The following TMEM120B variants were observed in gnomAD, a reference collection of about 807,000 sequenced individuals.
TMEM120B encodes transmembrane protein 120B.
In TMEM120B, 31 loss-of-function variants were observed where a neutral mutation model predicts 55.5. The ratio of observed to expected loss-of-function variants is 0.56; its 90% CI spans 0.42 to 0.75. The LOEUF is 0.75. TMEM120B is among the 30% of genes least tolerant of loss of function. TMEM120B has a pLI of 0.00. For missense variants in TMEM120B, 399 were observed against 425.5 expected, an observed-to-expected ratio of 0.94 and a Z score of 0.55; for synonymous variants, 203 against 176.3, an observed-to-expected ratio of 1.15 and a Z score of -1.20.
Position 121,775,359 on chromosome 12 carries a change from G to A in TMEM120B, c.906+229G>A. The A allele has an allele frequency of 1.1e-6, 1 of 929,902 alleles. No individual in the cohort carries two copies. Among genetic ancestry groups the A allele is most frequent in the South Asian group, 4.9e-5 (1 of 20,264 alleles). The allele number at this position is 929,902 out of a possible 1,614,324, so 57.6% of individuals were successfully genotyped here. On this transcript the variant is annotated intron_variant, in intron 11 of 11. Transcript: ENST00000449592. This position sits in a 1 kb window ranked among gnomAD's most constrained non-coding sequence, Gnocchi z 4.3. Reference sequence around the variant, plus strand: ...GGGCCTGCTTGGCGGGAGGCTTCTGGAAGGGCTAGGGGTGGAGCCTCTCCC... The same window carrying A: ...GGGCCTGCTTGGCGGGAGGCTTCTGAAAGGGCTAGGGGTGGAGCCTCTCCC...
intron 1 of TMEM120B, among the ~76,000 whole-genome samples, chr12:121,740,512 AAAG>A (rs1020960500): frequency 1.3e-5 from 2 of 152,008 alleles, no homozygotes; most frequent in East Asian, 1.9e-4. Context: ...AAGCTGGAGA[AAAG>A]AAAGTGTTAT....
At chr12:121,743,769 G>C in intron 2 of TMEM120B, 22 bp downstream of exon 2, 1 of 1,557,860 alleles carries the variant, frequency 6.4e-7, no homozygotes, top group Non-Finnish European at 8.8e-7. Flanking sequence ...TGTAGCCCGG[G>C]GGCTGCCCTG....
At chr12:121,762,020 C>G (rs531423963) in intron 6 of TMEM120B, among the ~76,000 whole-genome samples, 2 of 152,042 alleles carry the variant, frequency 1.3e-5, no homozygotes, top group Admixed American at 6.6e-5. Flanking sequence ...CGGCATGGCA[C>G]GGTGGCTCAC....
intron 2 of TMEM120B, among the ~76,000 whole-genome samples, chr12:121,745,289 C>T (rs1262752304): frequency 6.6e-6 from 1 of 152,218 alleles, no homozygotes; most frequent in Non-Finnish European, 1.5e-5. Flanking sequence ...GAATAACAGA[C>T]CATGATTGGT....
chr12:121,722,535 C>A (rs913152419), intron 1 of TMEM120B, among the ~76,000 whole-genome samples: 17 of 152,130 alleles, frequency 1.1e-4, no homozygotes, highest in Non-Finnish European at 5.9e-5. Context: ...ACTGAGCACC[C>A]AGAGAGAGGT....
intron 5 of TMEM120B, among the ~76,000 whole-genome samples, chr12:121,757,102 G>A (rs559810419): frequency 1.3e-5 from 2 of 151,482 alleles, no homozygotes; most frequent in East Asian, 3.9e-4. Context: ...AACAGGAAAT[G>A]AGTGTGGCAA....
chr12:121,730,027 G>C (rs1247325143), intron 1 of TMEM120B, among the ~76,000 whole-genome samples: 1 of 152,106 alleles, frequency 6.6e-6, no homozygotes, highest in Admixed American at 6.6e-5. Flanking sequence ...TTGGGTGGCT[G>C]AGGTGGGCAG....
Position 121,773,520 on chromosome 12 carries a change from A to T in TMEM120B, c.772+7A>T, listed in dbSNP as rs549790229. 18 of 1,581,552 alleles carry T rather than the reference A, an allele frequency of 1.1e-5. No homozygotes were observed. The South Asian group carries it at 2.0e-4, about 18-fold the overall frequency. On this transcript the variant is annotated splice_region_variant and intron_variant, in intron 9 of 11. Coordinates refer to ENST00000449592, the MANE Select transcript of TMEM120B (RefSeq NM_001080825.2). ...CACCTGGATCTCACAGTGGGTGAGT[A>T]GCTGGGCCTGGGTTGGAGCCGGGGC...
chr12:121,761,231 A>G (rs79313320), intron 5 of TMEM120B, among the ~76,000 whole-genome samples: 13,479 of 152,162 alleles, frequency 0.089, 1,060 homozygotes, highest in African/African-American at 0.21. Context: ...CATCTGTCTC[A>G]GCCTCCCCAA....
intron 1 of TMEM120B, among the ~76,000 whole-genome samples, chr12:121,742,750 A>G (rs1872969074): frequency 1.3e-5 from 2 of 151,766 alleles, no homozygotes; most frequent in Non-Finnish European, 2.9e-5. Context: ...GCTAATTTTT[A>G]CATTTTTAGT....
At chr12:121,763,215 T>C (rs1251370208) in intron 6 of TMEM120B, among the ~76,000 whole-genome samples, 2 of 139,598 alleles carry the variant, frequency 1.4e-5, no homozygotes, top group Admixed American at 8.2e-5. Flanking sequence ...CAGGCTGGAG[T>C]GCAGTGGCGC....
chr12:121,775,844 T>G lies in TMEM120B; in HGVS notation c.*122T>G. 3 of 986,274 alleles carry G rather than the reference T, an allele frequency of 3.0e-6. No homozygotes were observed. Among genetic ancestry groups the G allele is most frequent in the Non-Finnish European group, 4.7e-6 (3 of 641,656 alleles). 61.1% of individuals were successfully genotyped at this position (986,274 alleles called of 1,614,324 possible). On this transcript the variant is annotated 3_prime_UTR_variant, in exon 12 of 12. Transcript: ENST00000449592. The surrounding 1 kb of genome is among the most constrained non-coding windows in gnomAD (Gnocchi z 4.3). ...GAGGGCCCAGGCCCTGGTCCCCCAG[T>G]GGACCCCAGTGGTCTAGAGGAATGT...
intron 4 of TMEM120B, among the ~76,000 whole-genome samples, chr12:121,750,899 AC>A (rs1566517288): frequency 2.0e-5 from 1 of 48,952 alleles, no homozygotes; most frequent in Non-Finnish European, 4.1e-5. Flanking sequence ...CACATCCCAC[AC>A]CCACACCCCA....
intron 6 of TMEM120B, among the ~76,000 whole-genome samples, chr12:121,766,142 G>A (rs1873840869): frequency 6.6e-6 from 1 of 152,034 alleles, no homozygotes; most frequent in South Asian, 2.1e-4. Flanking sequence ...AGGCGCTTTT[G>A]TCCAGTTCTG....
intron 7 of TMEM120B, 116 bp downstream of exon 7, chr12:121,771,088 G>T: frequency 8.8e-7 from 1 of 1,142,750 alleles, no homozygotes; most frequent in Non-Finnish European, 1.3e-6. Flanking sequence ...GGCCAACTTG[G>T]GAAAGAAAGT....
Position 121,751,949 on chromosome 12 carries a change from T to C in TMEM120B, c.366-179T>C, listed in dbSNP as rs1873343720. 3.3e-5 allele frequency among the ~76,000 whole-genome samples: 5 copies of C among 152,156 alleles called. No individual in the cohort carries two copies. The South Asian group carries it at 8.3e-4, about 25-fold the overall frequency. On this transcript the variant is annotated intron_variant, in intron 4 of 11. Transcript: ENST00000449592. ...GGGCCTTCTGCATACTTGGCCCTCT[T>C]CCCCTCATTGGTCACCACTAACCCG...
Position 121,775,628 on chromosome 12 carries a change from C to T in TMEM120B, c.926C>T (p.Thr309Ile), listed in dbSNP as rs1566528138. ...REWQVFVLAF[T>I]FLILFLGNFL... ...CCCCAGGTGTTCGTACTGGCGTTCA[C>T]CTTCCTCATCCTCTTCCTCGGCAAC... The change falls in exon 12 of 12, where the codon ACC (threonine) becomes ATC (isoleucine). Residue 309 changes from threonine to isoleucine, a missense_variant. Physicochemically the swap from Thr to Ile is moderately conservative, Grantham distance 89 (BLOSUM62 -1). Around this residue, in one of 3 missense-constraint regions of TMEM120B, gnomAD observed 260 missense variants for 303.9 expected, o/e 0.86. Coordinates refer to ENST00000449592, the MANE Select transcript of TMEM120B (RefSeq NM_001080825.2). The surrounding 1 kb of genome is among the most constrained non-coding windows in gnomAD (Gnocchi z 4.3). 1.2e-6 allele frequency: 2 copies of T among 1,613,902 alleles called. No homozygotes were observed. The highest frequency in any genetic ancestry group is 2.2e-5 in the East Asian group (1 of 44,888).
In TMEM120B at chr12:121,775,383, C is replaced by T. The variant is rs1874205888; in HGVS notation, c.907-226C>T. The T allele has an allele frequency of 1.0e-6, 1 of 970,032 alleles. No individual in the cohort carries two copies. Among genetic ancestry groups the T allele is most frequent in the Non-Finnish European group, 1.2e-6 (1 of 816,134 alleles). 60.1% of individuals were successfully genotyped at this position (970,032 alleles called of 1,614,324 possible). ...GGAAGGGCTAGGGGTGGAGCCTCTC[C>T]CAATCTGTGGATCCCAAGGAGGTTC... is the stretch of plus-strand genomic sequence containing the variant. On this transcript the variant is annotated intron_variant, in intron 11 of 11. Coordinates refer to ENST00000449592, the MANE Select transcript of TMEM120B (RefSeq NM_001080825.2). The surrounding 1 kb of genome is among the most constrained non-coding windows in gnomAD (Gnocchi z 4.3).
chr12:121,737,124 C>T (rs1315198000), intron 1 of TMEM120B, among the ~76,000 whole-genome samples: 1 of 152,142 alleles, frequency 6.6e-6, no homozygotes. Flanking sequence ...TCAGACTAGT[C>T]ACAAGCCTAC....
Sources: gnomAD v4.1 joint callset for allele counts (sites outside exome capture counted in the v4.1 genomes callset) on GRCh38, gnomAD v4.1.1 for gene constraint, gnomAD v4.1.1 regional missense constraint, Gnocchi (gnomAD v3.1) non-coding constraint, MANE v1.5 for transcripts, NCBI Gene and HGNC (gene_info 2026-07-23, HGNC 2026-07-21) for gene names.